Variants in ZNF536 observed in about 807,000 individuals in gnomAD.
The protein encoded by ZNF536 is zinc finger protein 536.
In ZNF536, 13 loss-of-function variants were observed where a neutral mutation model predicts 84.5. The observed-to-expected ratio is 0.15, with a 90% CI of 0.10 to 0.24. The LOEUF (loss-of-function observed/expected upper bound fraction) is 0.24. Among genes scored for constraint, ZNF536 ranks in the 10% least tolerant of loss-of-function variants. ZNF536 has a pLI of 1.00. For missense variants in ZNF536, 1,536 were observed against 1,747.5 expected (o/e 0.88, Z 2.16); for synonymous variants, 811 against 742.5 (o/e 1.09, Z -1.50).
intron 2 of ZNF536, among the ~76,000 whole-genome samples, chr19:30,479,090 T>A (rs73536713): frequency 0.027 from 4,177 of 152,272 alleles, 197 homozygotes; most frequent in African/African-American, 0.095. Flanking sequence ...CCCATATCAG[T>A]TAGGACAACA....
chr19:30,247,280 G>A (rs1201170431), intron 1 of ZNF536, among the ~76,000 whole-genome samples: 1 of 152,252 alleles, frequency 6.6e-6, no homozygotes, highest in South Asian at 2.1e-4. Context: ...CCTTTGCTTG[G>A]TGATTCACTT....
rs112737571 is a variant in ZNF536, at chr19:30,668,202, A to G, written c.170-42555A>G. Among the ~76,000 whole-genome samples, 1,370 of 152,330 alleles carry G rather than the reference A, an allele frequency of 9.0e-3. 7 individuals are homozygous for G. Among genetic ancestry groups the G allele is most frequent in the Non-Finnish European group, 0.013 (880 of 68,030 alleles). On this transcript the variant is annotated intron_variant, in intron 1 of 1. Transcript: ENST00000592773. ...CTCTCTCCAGGAAATAAATTTTTGC[A>G]AAATTAAGATATTTATTTGCCCTGG... is the stretch of plus-strand genomic sequence containing the variant.
At chr19:30,507,652 T>C (rs57121048) in intron 2 of ZNF536, among the ~76,000 whole-genome samples, 2 of 152,080 alleles carry the variant, frequency 1.3e-5, no homozygotes, top group Admixed American at 6.5e-5. Flanking sequence ...AAAAGGGAAA[T>C]GAAACATTAT....
upstream of ZNF536, among the ~76,000 whole-genome samples, chr19:30,369,415 G>A (rs1311070499): frequency 6.6e-6 from 1 of 152,132 alleles, no homozygotes; most frequent in Non-Finnish European, 1.5e-5. Flanking sequence ...ACAGGGCTCG[G>A]ATTTTCTTTT....
intron 2 of ZNF536, among the ~76,000 whole-genome samples, chr19:30,503,159 GCACACACACA>G (rs34574367): frequency 5.4e-5 from 8 of 148,466 alleles, no homozygotes; most frequent in Non-Finnish European, 1.2e-4. Flanking sequence ...ATGTGTGTAT[GCACACACACA>G]CACACACACA....
intron 2 of ZNF536, among the ~76,000 whole-genome samples, chr19:30,519,412 G>A (rs1008335529): frequency 2.0e-5 from 3 of 152,212 alleles, no homozygotes; most frequent in South Asian, 2.1e-4. Context: ...TGCCCTCCAC[G>A]GGGTTGTGCT....
At chr19:30,535,062 G>C (rs2145942738) in intron 3 of ZNF536, 63 bp downstream of exon 3, 1 of 1,533,634 alleles carries the variant, frequency 6.5e-7, no homozygotes, top group Non-Finnish European at 8.8e-7. Context: ...CGTCCTGCCT[G>C]CTTTCTGGCC....
At chr19:30,677,112 T>G (rs73927151) in intron 1 of ZNF536, among the ~76,000 whole-genome samples, 1 of 152,340 alleles carries the variant, frequency 6.6e-6, no homozygotes, top group Admixed American at 6.5e-5. Flanking sequence ...TTAACAATTA[T>G]GAGCCCAAAT....
rs573867316 is a variant in ZNF536, at chr19:30,312,259, G to A, written c.-120+28118G>A. ...CATGTGACCTTAACTGTGGGGAGAA[G>A]AGAAGGTCTGTGGGCACCCCAGGAT... On this transcript the variant is annotated intron_variant, in intron 2 of 5. Transcript: ENST00000585628. Among the ~76,000 whole-genome samples, 7 of 152,184 alleles carry A rather than the reference G, an allele frequency of 4.6e-5. No individual in the cohort carries two copies. In the South Asian group the frequency reaches 1.5e-3, roughly 32 times the overall value.
At chr19:30,687,552 A>G (rs1183415751) in intron 1 of ZNF536, among the ~76,000 whole-genome samples, 2 of 152,248 alleles carry the variant, frequency 1.3e-5, no homozygotes, top group Non-Finnish European at 2.9e-5. Flanking sequence ...ATCTCTTATT[A>G]TAAATAATCA....
At chr19:30,702,091 C>T (rs1341369867) in intron 1 of ZNF536, among the ~76,000 whole-genome samples, 3 of 152,196 alleles carry the variant, frequency 2.0e-5, no homozygotes, top group African/African-American at 7.2e-5. Context: ...AAGCCAGCTG[C>T]CCACAAGTGT....
chr19:30,340,311 G>A (rs1270082044), intron 2 of ZNF536, among the ~76,000 whole-genome samples: 3 of 152,192 alleles, frequency 2.0e-5, no homozygotes, highest in Non-Finnish European at 4.4e-5. Context: ...GGGACAAGAT[G>A]ATGGGTGTCA....
chr19:30,507,528 TAGGG>T (rs1469296482), intron 2 of ZNF536, among the ~76,000 whole-genome samples: 1 of 152,022 alleles, frequency 6.6e-6, no homozygotes, highest in Non-Finnish European at 1.5e-5. Flanking sequence ...CAACTTAAAA[TAGGG>T]AGAGACAGAA....
chr19:30,606,443 A>T (rs1446665127), intron 1 of ZNF536, among the ~76,000 whole-genome samples: 1 of 152,050 alleles, frequency 6.6e-6, no homozygotes. Context: ...TCATGGTGGG[A>T]TGCAGTGAGT....
At chr19:30,427,161 A>G (rs2147926545) in intron 1 of ZNF536, among the ~76,000 whole-genome samples, 1 of 152,324 alleles carries the variant, frequency 6.6e-6, no homozygotes, top group South Asian at 2.1e-4. Context: ...CATCAGACCA[A>G]GTGTCAAGGA....
chr19:30,313,848 A>C (rs2046588223), intron 2 of ZNF536, among the ~76,000 whole-genome samples: 1 of 152,218 alleles, frequency 6.6e-6, no homozygotes, highest in South Asian at 2.1e-4. Context: ...ATGGGACCAG[A>C]GGAAGACCCT....
intron 2 of ZNF536, among the ~76,000 whole-genome samples, chr19:30,476,495 G>A (rs765011345): frequency 1.3e-5 from 2 of 152,216 alleles, no homozygotes; most frequent in Non-Finnish European, 2.9e-5. Context: ...AATTCGATGA[G>A]AATCGGCCTC....
Position 30,445,711 on chromosome 19 carries a change from C to CCCTCCTCGCCAT in ZNF536, c.2157_2168dup (p.Pro720_Ser723dup). The CCCTCCTCGCCAT allele has an allele frequency of 6.4e-7, 1 of 1,567,680 alleles. No individual in the cohort carries two copies. The highest frequency in any genetic ancestry group is 8.7e-7 in the Non-Finnish European group (1 of 1,156,068). On this transcript the variant is annotated inframe_insertion, in exon 2 of 5. Coordinates refer to ENST00000355537, the MANE Select transcript of ZNF536 (RefSeq NM_014717.3). The surrounding 1 kb of genome is among the most constrained non-coding windows in gnomAD (Gnocchi z 4.5). ...GAGTGCCCAGGAGGACAGCCCGCAC[C>CCCTCCTCGCCAT]CCTCCTCGCCATCCTCCTCAGGTAG...
intron 3 of ZNF536, among the ~76,000 whole-genome samples, chr19:30,355,605 G>T (rs1236784760): frequency 1.3e-5 from 2 of 151,972 alleles, no homozygotes; most frequent in East Asian, 1.9e-4. Flanking sequence ...TCCCAGGCTG[G>T]TCTTGAACTC....
Sources: gnomAD v4.1 joint callset for allele counts (sites outside exome capture counted in the v4.1 genomes callset) on GRCh38, gnomAD v4.1.1 for gene constraint, Gnocchi (gnomAD v3.1) non-coding constraint, MANE v1.5 for transcripts, NCBI Gene and HGNC (gene_info 2026-07-23, HGNC 2026-07-21) for gene names.